Variants in PTPRT observed in about 807,000 individuals in gnomAD.
The protein encoded by PTPRT is protein tyrosine phosphatase receptor type T.
Under a neutral mutation model 176.8 loss-of-function variants are expected in PTPRT, and 56 were observed. The observed-to-expected ratio is 0.32, with a 90% confidence interval of 0.26 to 0.40. The LOEUF is 0.40. Ranked by LOEUF, PTPRT falls within the 10% of genes least tolerant of loss-of-function variation. The pLI, the probability that PTPRT is intolerant of heterozygous loss-of-function variation, is 1.00. For missense variants in PTPRT, 1,540 were observed against 1,908.2 expected, an observed-to-expected ratio of 0.81 and a Z score of 3.60; for synonymous variants, 783 against 739.0, an observed-to-expected ratio of 1.06 and a Z score of -0.96.
At chr20:42,063,175 T>C in the PTPRT span, among the ~76,000 whole-genome samples, 7 of 152,144 alleles carry the variant, frequency 4.6e-5, no homozygotes, top group African/African-American at 7.2e-5. Flanking sequence ...GTATACCATG[T>C]GATTGTCTTT....
chr20:42,859,444 G>A (rs2145787111), intron 2 of PTPRT, among the ~76,000 whole-genome samples: 1 of 152,100 alleles, frequency 6.6e-6, no homozygotes, highest in East Asian at 1.9e-4. Flanking sequence ...GTTGCCAGAG[G>A]TCTCACCAAC....
chr20:42,577,717 C>G (rs752747451), intron 7 of PTPRT, among the ~76,000 whole-genome samples: 4 of 151,762 alleles, frequency 2.6e-5, no homozygotes, highest in Non-Finnish European at 5.9e-5. Flanking sequence ...GGAAGGAGAT[C>G]AACAGCACGG....
intron 6 of PTPRT, among the ~76,000 whole-genome samples, chr20:42,706,953 A>G (rs1042330492): frequency 2.0e-5 from 3 of 152,198 alleles, no homozygotes; most frequent in Admixed American, 2.0e-4. Flanking sequence ...AGATGCACAG[A>G]CAGGGAAACA....
chr20:42,338,518 C>T (rs907900279), intron 11 of PTPRT, among the ~76,000 whole-genome samples: 2 of 152,176 alleles, frequency 1.3e-5, no homozygotes, highest in African/African-American at 4.8e-5. Context: ...TTCTTGGAAA[C>T]TAATTTCAAT....
intron 8 of PTPRT, among the ~76,000 whole-genome samples, chr20:42,461,842 TGAG>T (rs1038588052): frequency 6.6e-6 from 1 of 151,388 alleles, no homozygotes; most frequent in African/African-American, 2.4e-5. Context: ...TGGAATAGCT[TGAG>T]GAGAAGATAG....
chr20:42,071,185 G>A (rs4141710), downstream of PTPRT, among the ~76,000 whole-genome samples: 6 of 152,236 alleles, frequency 3.9e-5, no homozygotes, highest in East Asian at 7.7e-4. Context: ...TGAACCCTGC[G>A]CTCCACCCCT....
chr20:42,972,386 G>A (rs1305744937), intron 1 of PTPRT, among the ~76,000 whole-genome samples: 1 of 151,684 alleles, frequency 6.6e-6, no homozygotes, highest in African/African-American at 2.4e-5. Context: ...TTGAAGCTGG[G>A]TGTGGTGGCT....
chr20:43,098,207 T>C (rs1400068546), intron 1 of PTPRT, among the ~76,000 whole-genome samples: 1 of 151,110 alleles, frequency 6.6e-6, no homozygotes, highest in Non-Finnish European at 1.5e-5. Flanking sequence ...ACATCAAATA[T>C]TTAATTTGCA....
At chr20:43,045,980 T>C (rs182897626) in intron 1 of PTPRT, among the ~76,000 whole-genome samples, 3 of 152,106 alleles carry the variant, frequency 2.0e-5, no homozygotes, top group African/African-American at 7.2e-5. Context: ...GAATGGGCAT[T>C]CCAAAGAGAT....
At chr20:42,511,708 A>G (rs2071960221) in intron 7 of PTPRT, among the ~76,000 whole-genome samples, 1 of 152,068 alleles carries the variant, frequency 6.6e-6, no homozygotes, top group South Asian at 2.1e-4. Flanking sequence ...TTGGTACCAA[A>G]TGAGTAATAA....
intron 9 of PTPRT, among the ~76,000 whole-genome samples, chr20:42,391,479 GCACGGA>G (rs1308424802): frequency 6.6e-6 from 1 of 152,184 alleles, no homozygotes; most frequent in Non-Finnish European, 1.5e-5. Context: ...AGTGTGTGGG[GCACGGA>G]CACTACCAGC....
intron 4 of PTPRT, among the ~76,000 whole-genome samples, chr20:42,777,040 G>A (rs915007686): frequency 2.0e-5 from 3 of 152,070 alleles, no homozygotes; most frequent in Admixed American, 1.3e-4. Flanking sequence ...GTTGGATGAT[G>A]AATGGATGTC....
In PTPRT at chr20:43,100,400, G is replaced by T. The variant is rs372182718; in HGVS notation, c.88+89246C>A. On this transcript the variant is annotated intron_variant, in intron 1 of 30. Coordinates refer to ENST00000373187, the MANE Select transcript of PTPRT (RefSeq NM_007050.6). ...AATTTAAAAAAAAGAAAGAAAGAAA[G>T]GATATACACACAATGTAAAATCACT... 3.9e-5 allele frequency among the ~76,000 whole-genome samples: 6 copies of T among 152,114 alleles called. No individual in the cohort carries two copies. The East Asian group carries it at 1.2e-3, about 29-fold the overall frequency.
chr20:42,439,417 C>G (rs550773658), intron 9 of PTPRT, among the ~76,000 whole-genome samples: 2 of 152,122 alleles, frequency 1.3e-5, no homozygotes, highest in African/African-American at 2.4e-5. Flanking sequence ...ATTGACAGAA[C>G]GATACCTCCC....
intron 2 of PTPRT, among the ~76,000 whole-genome samples, chr20:42,851,859 C>A (rs74637395): frequency 2.0e-5 from 3 of 152,142 alleles, no homozygotes; most frequent in African/African-American, 7.2e-5. Context: ...TGCTTATGTA[C>A]GGACTGAGAT....
intron 5 of PTPRT, among the ~76,000 whole-genome samples, chr20:42,768,733 G>A (rs1441529009): frequency 6.6e-6 from 1 of 152,044 alleles, no homozygotes; most frequent in Non-Finnish European, 1.5e-5. Flanking sequence ...CATGTTTTAT[G>A]TCCCATTGAA....
chr20:42,852,199 T>G (rs1189813034), intron 2 of PTPRT, among the ~76,000 whole-genome samples: 3 of 152,202 alleles, frequency 2.0e-5, no homozygotes, highest in Non-Finnish European at 4.4e-5. Flanking sequence ...TGTCAAGTTT[T>G]AAAAACATAA....
chr20:42,840,814 T>C (rs2078265199), intron 2 of PTPRT, among the ~76,000 whole-genome samples: 1 of 152,194 alleles, frequency 6.6e-6, no homozygotes, highest in African/African-American at 2.4e-5. Context: ...TGCCTGCCCA[T>C]TGCCTGAATG....
chr20:42,577,970 T>TAC (rs1555882755), intron 7 of PTPRT, among the ~76,000 whole-genome samples: 1 of 97,154 alleles, frequency 1.0e-5, no homozygotes, highest in Non-Finnish European at 1.8e-5. Context: ...TGTGTGTGTG[T>TAC]AGGCATACCC....
Sources: allele counts gnomAD v4.1 joint callset (sites outside exome capture counted in the v4.1 genomes callset), GRCh38; gene constraint gnomAD v4.1.1; transcripts MANE v1.5; gene names NCBI Gene and HGNC (gene_info 2026-07-23, HGNC 2026-07-21).